GALNT13: variants seen among roughly 807,000 people sequenced by gnomAD.
The protein encoded by GALNT13 is UDP-GalNAc:polypeptide N-acetylgalactosaminyltransferase 13.
In GALNT13, 28 loss-of-function variants were observed where a neutral mutation model predicts 64.2. The ratio of observed to expected loss-of-function variants is 0.44; its 90% CI spans 0.32 to 0.60. The LOEUF (loss-of-function observed/expected upper bound fraction) is 0.60. Ranked by LOEUF, GALNT13 falls within the 20% of genes least tolerant of loss-of-function variation. GALNT13 has a pLI of 0.05. For missense variants in GALNT13, 577 were observed against 669.8 expected (o/e 0.86, Z 1.53); for synonymous variants, 214 against 224.6 (o/e 0.95, Z 0.42).
the GALNT13 span, among the ~76,000 whole-genome samples, chr2:153,102,913 T>C: frequency 9.9e-5 from 15 of 152,262 alleles, no homozygotes; most frequent in African/African-American, 3.6e-4. Context: ...AGGGTGGAGC[T>C]AGCTACAACC....
the GALNT13 span, among the ~76,000 whole-genome samples, chr2:153,080,867 A>G: frequency 6.6e-6 from 1 of 152,022 alleles, no homozygotes; most frequent in Admixed American, 6.6e-5. Context: ...TAGCATTTTT[A>G]ATATTCTTTT....
At chr2:153,722,701 T>C in the GALNT13 span, among the ~76,000 whole-genome samples, 1 of 152,232 alleles carries the variant, frequency 6.6e-6, no homozygotes, top group Non-Finnish European at 1.5e-5. Flanking sequence ...CTAGAAAATC[T>C]AGAAGAAACG....
chr2:154,218,991 A>G (rs1688188022), intron 4 of GALNT13, among the ~76,000 whole-genome samples: 1 of 151,972 alleles, frequency 6.6e-6, no homozygotes, highest in Non-Finnish European at 1.5e-5. Flanking sequence ...TCGGTTCCTC[A>G]TTGGGTATCT....
the GALNT13 span, among the ~76,000 whole-genome samples, chr2:153,119,260 G>A: frequency 6.6e-6 from 1 of 152,004 alleles, no homozygotes; most frequent in South Asian, 2.1e-4. Flanking sequence ...AAGCATCTGA[G>A]CTCTTTATTA....
chr2:153,104,601 T>A, the GALNT13 span, among the ~76,000 whole-genome samples: 3 of 152,156 alleles, frequency 2.0e-5, no homozygotes, highest in East Asian at 5.8e-4. Context: ...GATTCTTACA[T>A]ATATGTAGTT....
At chr2:154,007,448 T>A (rs922254152) in intron 3 of GALNT13, among the ~76,000 whole-genome samples, 5 of 151,980 alleles carry the variant, frequency 3.3e-5, no homozygotes, top group African/African-American at 1.2e-4. Context: ...AAATGAAAGG[T>A]TGCGATTATT....
chr2:153,256,571 C>T, the GALNT13 span, among the ~76,000 whole-genome samples: 58 of 152,292 alleles, frequency 3.8e-4, 1 homozygote, highest in East Asian at 8.5e-3. Flanking sequence ...AGTTTTTCTG[C>T]TCTGTTTTTT....
chr2:153,438,622 T>G, the GALNT13 span, among the ~76,000 whole-genome samples: 1 of 152,372 alleles, frequency 6.6e-6, no homozygotes, highest in Non-Finnish European at 1.5e-5. Context: ...TCGCATTGGC[T>G]ACTGAGGCTT....
intron 2 of GALNT13, among the ~76,000 whole-genome samples, chr2:153,932,328 CTTTGAGATCAA>C (rs1690588386): frequency 1.3e-5 from 2 of 151,568 alleles, no homozygotes; most frequent in African/African-American, 4.8e-5. Context: ...CTTCTGCTTG[CTTTGAGATCAA>C]TTTGCCCTTG....
At chr2:154,238,887 A>G (rs1382958267) in intron 4 of GALNT13, among the ~76,000 whole-genome samples, 1 of 152,072 alleles carries the variant, frequency 6.6e-6, no homozygotes, top group African/African-American at 2.4e-5. Flanking sequence ...TAACTACAGT[A>G]TACAATACAG....
At chr2:153,553,904 C>CT in the GALNT13 span, among the ~76,000 whole-genome samples, 1 of 152,074 alleles carries the variant, frequency 6.6e-6, no homozygotes, top group Non-Finnish European at 1.5e-5. Flanking sequence ...CCTCAGACAG[C>CT]TTTGAGTCTC....
chr2:153,184,589 G>T, the GALNT13 span, among the ~76,000 whole-genome samples: 3 of 152,174 alleles, frequency 2.0e-5, no homozygotes, highest in Non-Finnish European at 4.4e-5. Context: ...TCAGTACGAT[G>T]TTGGTTGTGG....
intron 4 of GALNT13, among the ~76,000 whole-genome samples, chr2:154,191,135 A>G (rs1686554070): frequency 6.6e-6 from 1 of 152,254 alleles, no homozygotes. Flanking sequence ...ATTGAGAAGA[A>G]CAAACAAGGC....
At chr2:153,112,382 C>T in the GALNT13 span, among the ~76,000 whole-genome samples, 8 of 152,110 alleles carry the variant, frequency 5.3e-5, no homozygotes, top group Admixed American at 5.2e-4. Flanking sequence ...GTGTGTTAGT[C>T]TGTCTAATCT....
intron 3 of GALNT13, among the ~76,000 whole-genome samples, chr2:154,046,215 C>T (rs1028284969): frequency 2.0e-5 from 3 of 152,082 alleles, no homozygotes; most frequent in Non-Finnish European, 4.4e-5. Flanking sequence ...GTCCTAGCTA[C>T]TTGGGAGGCT....
chr2:154,442,333 A>G (rs1201974522), intron 12 of GALNT13, among the ~76,000 whole-genome samples: 1 of 152,140 alleles, frequency 6.6e-6, no homozygotes, highest in Non-Finnish European at 1.5e-5. Flanking sequence ...ACATGTTAGT[A>G]ATAAATGCAC....
chr2:154,280,857 G>T (rs533212179), intron 8 of GALNT13, among the ~76,000 whole-genome samples: 1 of 152,254 alleles, frequency 6.6e-6, no homozygotes, highest in South Asian at 2.1e-4. Flanking sequence ...AAAATGCAAG[G>T]TATCTGACCT....
chr2:154,311,761 G>C (rs1051936636), intron 9 of GALNT13, among the ~76,000 whole-genome samples: 20 of 152,078 alleles, frequency 1.3e-4, no homozygotes, highest in Middle Eastern at 3.2e-3. Context: ...GGTACGCCCT[G>C]GGGGGGCCAG....
At chr2:154,060,975 A>G (rs1222586441) in intron 3 of GALNT13, among the ~76,000 whole-genome samples, 1 of 152,126 alleles carries the variant, frequency 6.6e-6, no homozygotes, top group Non-Finnish European at 1.5e-5. Flanking sequence ...GATTTACATC[A>G]AGATCAACAA....
Sources: gnomAD v4.1 joint callset for allele counts (sites outside exome capture counted in the v4.1 genomes callset) on GRCh38, gnomAD v4.1.1 for gene constraint, MANE v1.5 for transcripts, NCBI Gene and HGNC (gene_info 2026-07-23, HGNC 2026-07-21) for gene names.